CDH23: variants seen among roughly 807,000 people sequenced by gnomAD.
CDH23 encodes cadherin related 23.
A neutral mutation model predicts 317.1 loss-of-function variants in CDH23; 189 were observed. The observed-to-expected ratio is 0.60, with a 90% CI of 0.53 to 0.67. CDH23 has a LOEUF of 0.67. Among genes scored for constraint, CDH23 ranks in the 30% least tolerant of loss-of-function variants. CDH23 has a pLI of 0.00. For missense variants in CDH23, 4,401 were observed against 4,592.4 expected (o/e 0.96, Z 1.20); for synonymous variants, 1,839 against 1,876.8 (o/e 0.98, Z 0.52).
At chr10:71,624,276 G>A (rs1297256587) in intron 11 of CDH23, among the ~76,000 whole-genome samples, 1 of 152,182 alleles carries the variant, frequency 6.6e-6, no homozygotes, top group East Asian at 1.9e-4. Flanking sequence ...TTGTATTTGT[G>A]TATTCAAAAC....
intron 14 of CDH23, among the ~76,000 whole-genome samples, chr10:71,665,368 TC>T (rs1438078346): frequency 2.0e-5 from 3 of 152,132 alleles, no homozygotes; most frequent in Non-Finnish European, 4.4e-5. Flanking sequence ...CTTAACTGCC[TC>T]ATCTCGGAGC....
intron 57 of CDH23, 133 bp downstream of exon 57, chr10:71,806,414 A>G: frequency 1.5e-6 from 1 of 665,964 alleles, no homozygotes; most frequent in East Asian, 2.8e-5. Flanking sequence ...CATGCACTTC[A>G]TGCAAGAACA....
At chr10:71,635,908 T>C (rs1862246757) in intron 11 of CDH23, among the ~76,000 whole-genome samples, 1 of 152,112 alleles carries the variant, frequency 6.6e-6, no homozygotes, top group South Asian at 2.1e-4. Flanking sequence ...TGCTTCCCAC[T>C]GTGTCCCCAC....
intron 3 of CDH23, among the ~76,000 whole-genome samples, chr10:71,481,789 C>G (rs10823766): frequency 0.046 from 7,023 of 152,324 alleles, 240 homozygotes; most frequent in African/African-American, 0.1. Flanking sequence ...GCTCGCAGAG[C>G]TAACCCTTGA....
intron 3 of CDH23, among the ~76,000 whole-genome samples, chr10:71,503,401 A>G (rs1853447904): frequency 6.6e-6 from 1 of 152,176 alleles, no homozygotes; most frequent in Non-Finnish European, 1.5e-5. Context: ...CACAGTTAAG[A>G]ATTAACTTGC....
At chr10:71,752,858 G>A (rs1840040318) in intron 38 of CDH23, 3 of 1,243,364 alleles carry the variant, frequency 2.4e-6, no homozygotes, top group South Asian at 2.9e-5. Context: ...GCAGATGGCA[G>A]AGGCTCTTCT....
intron 38 of CDH23, among the ~76,000 whole-genome samples, chr10:71,763,577 T>C (rs1413440040): frequency 3.9e-5 from 6 of 152,206 alleles, no homozygotes; most frequent in Non-Finnish European, 7.3e-5. Context: ...GTGGGGCTTC[T>C]GGAGCTGGCC....
chr10:71,468,389 C>T (rs1022850860), intron 3 of CDH23, among the ~76,000 whole-genome samples: 68 of 152,240 alleles, frequency 4.5e-4, no homozygotes, highest in Admixed American at 4.4e-3. Context: ...TTCAGTAGCT[C>T]CTACTGCCCA....
At chr10:71,649,768 G>A (rs1345381945) in intron 14 of CDH23, among the ~76,000 whole-genome samples, 1 of 152,188 alleles carries the variant, frequency 6.6e-6, no homozygotes. Context: ...TGAAAAAAAT[G>A]TTGTATGCAA....
chr10:71,795,796 T>C (rs1841385119), intron 48 of CDH23: 1 of 986,182 alleles, frequency 1.0e-6, no homozygotes, highest in Non-Finnish European at 1.2e-6. Flanking sequence ...AACTAACTGA[T>C]GTTAACCCTC....
At chr10:71,695,573 G>GCACAGACC in intron 22 of CDH23, 48 bp downstream of exon 22, 1 of 1,344,746 alleles carries the variant, frequency 7.4e-7, no homozygotes, top group Non-Finnish European at 1.1e-6. Flanking sequence ...CTTCCCAGGG[G>GCACAGACC]TCTGTGCCCC....
chr10:71,755,299 TG>T, intron 38 of CDH23: 1 of 1,456,648 alleles, frequency 6.9e-7, no homozygotes. Context: ...GGGGCTGAAC[TG>T]GGGGCTGGAG....
intron 31 of CDH23, 128 bp downstream of exon 31, chr10:71,730,732 G>A (rs1353792768): frequency 1.9e-5 from 26 of 1,365,762 alleles, no homozygotes; most frequent in African/African-American, 7.1e-5. Context: ...TCTAGGCCAG[G>A]GAGGGGCTGC....
At chr10:71,695,640 C>T in intron 22 of CDH23, 115 bp downstream of exon 22, 1 of 703,484 alleles carries the variant, frequency 1.4e-6, no homozygotes, top group Non-Finnish European at 2.5e-6. Flanking sequence ...CTGTGTCCCT[C>T]TGAGCTGGCT....
chr10:71,626,508 C>G (rs1322105038), intron 11 of CDH23, among the ~76,000 whole-genome samples: 1 of 152,156 alleles, frequency 6.6e-6, no homozygotes, highest in East Asian at 1.9e-4. Context: ...AATGTACACC[C>G]CAGCATCTGC....
Position 71,815,326 on chromosome 10 carries a change from C to A in CDH23, c.*48C>A, listed in dbSNP as rs1014533846. ...TGTGAGCAGCACCCATCCACCGTCC[C>A]CTCCCAGGGAGCAAGGGCAGGGACA... is the stretch of plus-strand genomic sequence containing the variant. On this transcript the variant is annotated 3_prime_UTR_variant, in exon 70 of 70. Transcript: ENST00000224721. The A allele has an allele frequency of 1.4e-5, 21 of 1,483,792 alleles. No individual in the cohort carries two copies. Among genetic ancestry groups the A allele is most frequent in the Non-Finnish European group, 1.6e-5 (18 of 1,108,270 alleles). The allele number at this position is 1,483,792 out of a possible 1,614,324, so 91.9% of individuals were successfully genotyped here.
At chr10:71,503,491 G>T (rs1757033581) in intron 3 of CDH23, among the ~76,000 whole-genome samples, 2 of 152,202 alleles carry the variant, frequency 1.3e-5, no homozygotes, top group Non-Finnish European at 2.9e-5. Context: ...CTGGGCAGTT[G>T]TTAGCAGGAT....
chr10:71,808,919 C>T (rs965412992), intron 60 of CDH23, among the ~76,000 whole-genome samples: 10 of 152,146 alleles, frequency 6.6e-5, no homozygotes, highest in Non-Finnish European at 1.3e-4. Context: ...GATATCCCTC[C>T]GCCACCCTTC....
chr10:71,779,974 G>T (rs1295299527), intron 41 of CDH23, among the ~76,000 whole-genome samples: 2 of 152,226 alleles, frequency 1.3e-5, no homozygotes, highest in Admixed American at 6.5e-5. Context: ...CAGATCCAAA[G>T]GCGCCAGCTA....
Sources: gnomAD v4.1 joint callset for allele counts (sites outside exome capture counted in the v4.1 genomes callset) on GRCh38, gnomAD v4.1.1 for gene constraint, MANE v1.5 for transcripts, NCBI Gene and HGNC (gene_info 2026-07-23, HGNC 2026-07-21) for gene names.